The following ZNF680 variants were observed in gnomAD, a reference collection of about 807,000 sequenced individuals.
The protein encoded by ZNF680 is zinc finger protein 680.
ZNF680 carries 6 observed loss-of-function variants against 12.1 expected under a neutral mutation model. The ratio of observed to expected loss-of-function variants is 0.49; its 90% CI spans 0.27 to 0.98. The LOEUF is 0.98. Among genes scored for constraint, ZNF680 ranks in the 50% least tolerant of loss-of-function variants. The pLI, the probability that ZNF680 is intolerant of heterozygous loss-of-function variation, is 0.12. For missense variants in ZNF680, 561 were observed against 616.3 expected (o/e 0.91, Z 0.95); for synonymous variants, 170 against 199.3 (o/e 0.85, Z 1.24).
At chr7:64,524,597 A>T (rs1401661633) in intron 3 of ZNF680, 2 of 152,210 alleles carry the variant, frequency 1.3e-5, no homozygotes, top group Non-Finnish European at 2.9e-5. Flanking sequence ...GAATATTTTA[A>T]TGCTTCACTT....
At position 64,522,744 on chromosome 7, in the gene ZNF680, G is replaced by A. The variant is rs186748049; in HGVS notation, c.254-244C>T. On this transcript the variant is annotated intron_variant, in intron 3 of 3. Transcript: ENST00000309683. ...ACACAATTTCAAAAGTCACAGACAAGAAGAGAATCTTGTGAGTTGCAGTAT... is the reference window on the plus strand; with the variant it reads ...ACACAATTTCAAAAGTCACAGACAAAAAGAGAATCTTGTGAGTTGCAGTAT... 1.6e-3 allele frequency among the ~76,000 whole-genome samples: 244 copies of A among 151,640 alleles called. 2 individuals are homozygous for A. Among genetic ancestry groups the A allele is most frequent in the African/African-American group, 5.8e-3 (239 of 41,380 alleles).
At chr7:64,516,903 A>T (rs1054478126), downstream of ZNF680, among the ~76,000 whole-genome samples, 13 of 152,162 alleles carry the variant, frequency 8.5e-5, no homozygotes, top group South Asian at 2.1e-4. Context: ...AAAAATATTT[A>T]AAAATTTTAA....
At chr7:64,552,767 C>T (rs1187636670) in intron 1 of ZNF680, among the ~76,000 whole-genome samples, 1 of 152,138 alleles carries the variant, frequency 6.6e-6, no homozygotes, top group Admixed American at 6.6e-5. Flanking sequence ...AAATGACTAA[C>T]GGTTTCATTC....
At chr7:64,549,380 C>A (rs1010990639) in intron 1 of ZNF680, among the ~76,000 whole-genome samples, 7 of 152,184 alleles carry the variant, frequency 4.6e-5, no homozygotes, top group Admixed American at 4.6e-4. Flanking sequence ...ATAACTGTAG[C>A]AGGTCACTGA....
intron 1 of ZNF680, among the ~76,000 whole-genome samples, chr7:64,557,955 G>A (rs1412871594): frequency 6.6e-6 from 1 of 152,186 alleles, no homozygotes; most frequent in Non-Finnish European, 1.5e-5. Flanking sequence ...AAACCCCTAT[G>A]CCACAATTTT....
At chr7:64,512,613 A>C in the ZNF680 span, among the ~76,000 whole-genome samples, 2 of 152,148 alleles carry the variant, frequency 1.3e-5, no homozygotes, top group Non-Finnish European at 2.9e-5. Flanking sequence ...ATCTCATTTA[A>C]AAAAAATTTT....
At chr7:64,555,052 T>C (rs965416469) in intron 1 of ZNF680, among the ~76,000 whole-genome samples, 6 of 152,100 alleles carry the variant, frequency 3.9e-5, no homozygotes, top group Admixed American at 6.5e-5. Context: ...TAGAGACCTA[T>C]GAAGAGACTT....
chr7:64,507,621 C>T, the ZNF680 span, among the ~76,000 whole-genome samples: 3 of 151,594 alleles, frequency 2.0e-5, no homozygotes, highest in Non-Finnish European at 4.4e-5. Flanking sequence ...CCTGCCTCAG[C>T]CTCCCGAGTA....
chr7:64,518,820 C>T (rs1010565824), downstream of ZNF680, among the ~76,000 whole-genome samples: 11 of 151,856 alleles, frequency 7.2e-5, no homozygotes, highest in Non-Finnish European at 1.3e-4. Flanking sequence ...AAACTCATCT[C>T]ACAACTTATA....
Position 64,521,875 on chromosome 7 carries a change from A to T in ZNF680, c.879T>A (p.Pro293=). 6.2e-6 allele frequency: 10 copies of T among 1,612,470 alleles called. No homozygotes were observed. The highest frequency in any genetic ancestry group is 8.5e-6 in the Non-Finnish European group (10 of 1,179,420). ...CTTTGTGACATTCATCACATTTGTA[A>T]GGTTTGTCTCCAGTATGAATTATCT... ...KHKIIHTGDK[P]YKCDECHKAF... is the part of the protein sequence containing the mutation. Residue 293 remains proline, a synonymous_variant, in exon 4 of 4, where the codon CCT becomes CCA. Transcript: ENST00000309683.
intron 1 of ZNF680, among the ~76,000 whole-genome samples, chr7:64,548,436 A>G (rs1380805021): frequency 2.0e-5 from 3 of 152,206 alleles, no homozygotes; most frequent in Non-Finnish European, 4.4e-5. Context: ...TCCAGTTACT[A>G]GTCTAGACTT....
chr7:64,521,970 C>A lies in ZNF680; in HGVS notation c.784G>T (p.Glu262Ter). Reference protein sequence around the residue: ...TLIKHKKIHIEEKPFKCEECG... With the variant: ...TLIKHKKIHI ...TCTTCACATTTGAAGGGTTTCTCTT[C>A]AATATGAATTTTCTTATGTTTAATA... The change falls in exon 4 of 4, where the codon GAA (glutamate) becomes TAA (stop). Residue 262 changes from glutamate to a stop codon, truncating the protein, a stop_gained. Transcript: ENST00000309683. LOFTEE classifies it low-confidence loss of function (END_TRUNC). The A allele has an allele frequency of 6.2e-7, 1 of 1,612,460 alleles. No homozygotes were observed. The highest frequency in any genetic ancestry group is 2.2e-5 in the East Asian group (1 of 44,808).
At chr7:64,554,279 C>A (rs1425833558) in intron 1 of ZNF680, among the ~76,000 whole-genome samples, 12 of 151,870 alleles carry the variant, frequency 7.9e-5, no homozygotes, top group African/African-American at 2.7e-4. Context: ...CTGCCGCCAA[C>A]CCGTCTGGGA....
chr7:64,554,227 C>CCGGG (rs558488335), intron 1 of ZNF680, among the ~76,000 whole-genome samples: 1 of 149,704 alleles, frequency 6.7e-6, no homozygotes, highest in African/African-American at 2.5e-5. Context: ...AGCGCCTCTG[C>CCGGG]CCGGCCGCGA....
chr7:64,556,367 A>G (rs1390218421), intron 1 of ZNF680, among the ~76,000 whole-genome samples: 1 of 152,100 alleles, frequency 6.6e-6, no homozygotes, highest in African/African-American at 2.4e-5. Flanking sequence ...AGCAGGTGGC[A>G]TTACATTACC....
Position 64,522,119 on chromosome 7 carries a change from C to A in ZNF680, c.635G>T (p.Cys212Phe), listed in dbSNP as rs753015464. ...GTTAAGAACTTTGCCACATTCCTCA[C>A]ATTTGTAAGAATTCTCTCTAGTGTG... ...RIHTRENSYKCEECGKVLNWF... is the reference protein window; with the variant it reads ...RIHTRENSYKFEECGKVLNWF... The change falls in exon 4 of 4, where the codon TGT becomes TTT. Residue 212 changes from cysteine to phenylalanine, a missense_variant. Cys to Phe is a radical substitution (Grantham distance 205). Transcript: ENST00000309683. 1 of 1,611,264 alleles carries A rather than the reference C, an allele frequency of 6.2e-7. No individual in the cohort carries two copies. Among genetic ancestry groups the A allele is most frequent in the Non-Finnish European group, 8.5e-7 (1 of 1,178,572 alleles).
At chr7:64,532,338 A>T (rs991562708) in intron 3 of ZNF680, among the ~76,000 whole-genome samples, 1 of 152,082 alleles carries the variant, frequency 6.6e-6, no homozygotes, top group African/African-American at 2.4e-5. Context: ...AGAAAATCTA[A>T]ATAACCTCAA....
intron 3 of ZNF680, among the ~76,000 whole-genome samples, chr7:64,538,216 T>C (rs1786280952): frequency 6.6e-6 from 1 of 152,126 alleles, no homozygotes. Context: ...ATTGGCACCA[T>C]TTTCTTAGAT....
the ZNF680 span, among the ~76,000 whole-genome samples, chr7:64,510,929 TA>T: frequency 7.7e-5 from 6 of 77,898 alleles, 1 homozygote; most frequent in Admixed American, 3.1e-4. Context: ...AAATAAAAAA[TA>T]AAAAATAAAA....
Sources: allele counts gnomAD v4.1 joint callset (sites outside exome capture counted in the v4.1 genomes callset), GRCh38; gene constraint gnomAD v4.1.1; transcripts MANE v1.5; gene names NCBI Gene and HGNC (gene_info 2026-07-23, HGNC 2026-07-21).